The following ATP1B1 variants were observed in gnomAD, a reference collection of about 807,000 sequenced individuals.
The protein encoded by ATP1B1 is ATPase Na+/K+ transporting subunit beta 1.
A neutral mutation model predicts 39.6 loss-of-function variants in ATP1B1; 3 were observed. The observed-to-expected ratio is 0.08, with a 90% confidence interval of 0.03 to 0.20. ATP1B1 has a LOEUF of 0.20. Ranked by LOEUF, ATP1B1 falls within the 10% of genes least tolerant of loss-of-function variation. ATP1B1 has a pLI of 1.00. For missense variants in ATP1B1, 216 were observed against 371.1 expected (o/e 0.58, Z 3.43); for synonymous variants, 139 against 135.0 (o/e 1.03, Z -0.20).
rs545562980 is a variant in ATP1B1 at position 169,106,712 on chromosome 1, C to T, written c.-118C>T. ...CGCACTCCGAGAGCCGCAGCGGCAGCGGCGCGTCCTGCCTGCAGAGAGCCA... is the reference window on the plus strand; with the variant it reads ...CGCACTCCGAGAGCCGCAGCGGCAGTGGCGCGTCCTGCCTGCAGAGAGCCA... On this transcript the variant is annotated 5_prime_UTR_variant, in exon 1 of 6. Coordinates refer to ENST00000367815, the MANE Select transcript of ATP1B1 (RefSeq NM_001677.4). 2.8e-6 allele frequency: 2 copies of T among 717,644 alleles called. No individual in the cohort carries two copies. The highest frequency in any genetic ancestry group is 3.6e-5 in the East Asian group (1 of 27,832). 44.5% of individuals were successfully genotyped at this position (717,644 alleles called of 1,614,324 possible).
At chr1:169,125,302 A>G (rs1036608145) in intron 3 of ATP1B1, among the ~76,000 whole-genome samples, 1 of 150,900 alleles carries the variant, frequency 6.6e-6, no homozygotes, top group Admixed American at 6.6e-5. Flanking sequence ...ATTCAGAGCC[A>G]AGACAGCAAT....
chr1:169,122,522 A>T (rs1261258443), intron 2 of ATP1B1, among the ~76,000 whole-genome samples: 1 of 152,186 alleles, frequency 6.6e-6, no homozygotes, highest in Non-Finnish European at 1.5e-5. Context: ...GCCAATTTTA[A>T]CATAGAAAAA....
At chr1:169,129,586 A>G (rs540290458) in intron 4 of ATP1B1, among the ~76,000 whole-genome samples, 1 of 152,376 alleles carries the variant, frequency 6.6e-6, no homozygotes, top group South Asian at 2.1e-4. Context: ...AAAGGATGAC[A>G]TTATTTATTC....
intron 4 of ATP1B1, among the ~76,000 whole-genome samples, chr1:169,127,895 C>T (rs1365856801): frequency 2.0e-5 from 3 of 152,128 alleles, no homozygotes; most frequent in Non-Finnish European, 4.4e-5. Context: ...AATTGATAAT[C>T]TGAAAAAATA....
intron 3 of ATP1B1, 135 bp downstream of exon 3, chr1:169,125,174 C>T: frequency 8.5e-7 from 1 of 1,183,424 alleles, no homozygotes; most frequent in East Asian, 2.5e-5. Flanking sequence ...CATATTTAGA[C>T]ACTTTTTTTA....
In ATP1B1 at chr1:169,118,744, T is replaced by C. The variant is rs12031809; in HGVS notation, c.227-6140T>C. On this transcript the variant is annotated intron_variant, in intron 2 of 5. Coordinates refer to ENST00000367815, the MANE Select transcript of ATP1B1 (RefSeq NM_001677.4). ...TTTTTTTAAAATTGGAAATTACTTT[T>C]CAACTCGGAATGTATAGGAGACACA... Among the ~76,000 whole-genome samples, 7 of 152,292 alleles carry C rather than the reference T, an allele frequency of 4.6e-5. No homozygotes were observed. The East Asian group carries it at 1.4e-3, about 29-fold the overall frequency.
At chr1:169,111,938 T>TC (rs1230863504) in intron 2 of ATP1B1, among the ~76,000 whole-genome samples, 16 of 152,184 alleles carry the variant, frequency 1.1e-4, no homozygotes, top group Admixed American at 7.9e-4. Context: ...TCACTTGGGC[T>TC]CCTGTTTTAA....
chr1:169,117,753 G>C (rs948151071), intron 2 of ATP1B1, among the ~76,000 whole-genome samples: 1 of 152,340 alleles, frequency 6.6e-6, no homozygotes, highest in African/African-American at 2.4e-5. Context: ...TCTCATGCTA[G>C]TAATCTGATG....
intron 5 of ATP1B1, among the ~76,000 whole-genome samples, chr1:169,130,341 T>A (rs940312010): frequency 1.3e-5 from 2 of 152,140 alleles, no homozygotes; most frequent in African/African-American, 4.8e-5. Context: ...ATATCTGAAT[T>A]TAATACATTG....
chr1:169,132,099 T>G lies in ATP1B1; in HGVS notation c.*544T>G, dbSNP rs1658243144. On this transcript the variant is annotated 3_prime_UTR_variant, in exon 6 of 6. Transcript: ENST00000367815. ...CGATGAGCATTTTTAACATACTCCA[T>G]AGTCTTTTCCTGTGGTGTTAGGTCT... is the stretch of plus-strand genomic sequence containing the variant. 4.5e-6 allele frequency: 2 copies of G among 441,740 alleles called. No homozygotes were observed. Among genetic ancestry groups the G allele is most frequent in the Non-Finnish European group, 9.0e-6 (2 of 222,290 alleles). 27.4% of individuals were successfully genotyped at this position (441,740 alleles called of 1,614,324 possible). A position where few individuals can be genotyped will look rare whatever the true frequency, so the allele number is the denominator to read the frequency against.
rs1377262195 is a variant in ATP1B1 at position 169,132,236 on chromosome 1, T to C, written c.*681T>C. Reference sequence around the variant, plus strand: ...CACAAAAAGGTGATGGGTTGTGTTATGCTTGTATTGAATGCTGTCTTGACA... The same window carrying C: ...CACAAAAAGGTGATGGGTTGTGTTACGCTTGTATTGAATGCTGTCTTGACA... On this transcript the variant is annotated 3_prime_UTR_variant, in exon 6 of 6. Coordinates refer to ENST00000367815, the MANE Select transcript of ATP1B1 (RefSeq NM_001677.4). The C allele has an allele frequency of 6.2e-6, 4 of 648,104 alleles. No homozygotes were observed. The highest frequency in any genetic ancestry group is 2.8e-6 in the Non-Finnish European group (1 of 355,766). 40.1% of individuals were successfully genotyped at this position (648,104 alleles called of 1,614,324 possible).
intron 3 of ATP1B1, 137 bp downstream of exon 3, chr1:169,125,176 C>G (rs566462232): frequency 8.6e-7 from 1 of 1,168,616 alleles, no homozygotes; most frequent in Admixed American, 2.6e-5. Flanking sequence ...TATTTAGACA[C>G]TTTTTTTAAA....
chr1:169,130,189 G>C lies in ATP1B1; in HGVS notation c.648+99G>C, dbSNP rs1658176733. ...TTAAGTGACAGGTAGAATTTTAATA[G>C]AAGAAATAAGAAACATTGCTTTCAA... On this transcript the variant is annotated intron_variant, in intron 5 of 5. Coordinates refer to ENST00000367815, the MANE Select transcript of ATP1B1 (RefSeq NM_001677.4). 1.2e-5 allele frequency: 12 copies of C among 1,004,350 alleles called. No homozygotes were observed. In the South Asian group the frequency reaches 1.5e-4, roughly 13 times the overall value. 62.2% of individuals were successfully genotyped at this position (1,004,350 alleles called of 1,614,324 possible). A position where few individuals can be genotyped will look rare whatever the true frequency, so the allele number is the denominator to read the frequency against.
At chr1:169,127,639 A>C (rs1232715319) in intron 4 of ATP1B1, among the ~76,000 whole-genome samples, 1 of 152,204 alleles carries the variant, frequency 6.6e-6, no homozygotes, top group African/African-American at 2.4e-5. Context: ...CTGCATTCTG[A>C]AGTGAGTCTG....
chr1:169,120,329 T>A (rs1160627303), intron 2 of ATP1B1, among the ~76,000 whole-genome samples: 2 of 152,196 alleles, frequency 1.3e-5, no homozygotes, highest in Non-Finnish European at 2.9e-5. Flanking sequence ...GACGTTTGGA[T>A]CAAAAGCTCT....
At position 169,129,932 on chromosome 1, in the gene ATP1B1, G is replaced by C. The variant is rs534893304; in HGVS notation, c.568-78G>C. On this transcript the variant is annotated intron_variant, in intron 4 of 5. Coordinates refer to ENST00000367815, the MANE Select transcript of ATP1B1 (RefSeq NM_001677.4). ...ACTGTGACCAGTGTGTACTTGTTTGGACTACGGAGTAGTTTTATTTTTCAG... is the reference window on the plus strand; with the variant it reads ...ACTGTGACCAGTGTGTACTTGTTTGCACTACGGAGTAGTTTTATTTTTCAG... 6.4e-6 allele frequency: 9 copies of C among 1,400,006 alleles called. No individual in the cohort carries two copies. The African/African-American group carries it at 1.1e-4, about 18-fold the overall frequency. The allele number at this position is 1,400,006 out of a possible 1,614,324, so 86.7% of individuals were successfully genotyped here.
chr1:169,128,357 T>G (rs187175458), intron 4 of ATP1B1, among the ~76,000 whole-genome samples: 26 of 152,334 alleles, frequency 1.7e-4, no homozygotes, highest in Non-Finnish European at 3.5e-4. Flanking sequence ...GCTATTAATT[T>G]ATTTCTACAA....
At chr1:169,129,870 C>A in intron 4 of ATP1B1, 140 bp from the exon 5 acceptor site, 1 of 681,622 alleles carries the variant, frequency 1.5e-6, no homozygotes. Flanking sequence ...GTCATTCATT[C>A]TGCTGTCCTG....
chr1:169,121,130 A>G (rs1404311237), intron 2 of ATP1B1, among the ~76,000 whole-genome samples: 3 of 151,910 alleles, frequency 2.0e-5, no homozygotes, highest in Non-Finnish European at 2.9e-5. Flanking sequence ...TGTTTTTAGT[A>G]GAGATGGGGT....
Sources: allele counts gnomAD v4.1 joint callset (sites outside exome capture counted in the v4.1 genomes callset), GRCh38; gene constraint gnomAD v4.1.1; transcripts MANE v1.5; gene names NCBI Gene and HGNC (gene_info 2026-07-23, HGNC 2026-07-21).